The following RGS7BP variants were observed in gnomAD, a reference collection of about 807,000 sequenced individuals.
The protein encoded by RGS7BP is regulator of G protein signaling 7 binding protein.
Under a neutral mutation model 31.3 loss-of-function variants are expected in RGS7BP, and 9 were observed. The ratio of observed to expected loss-of-function variants is 0.29; its 90% CI spans 0.17 to 0.50. RGS7BP has a LOEUF of 0.50. Ranked by LOEUF, RGS7BP falls within the 20% of genes least tolerant of loss-of-function variation. The pLI is 0.98. For missense variants in RGS7BP, 274 were observed against 322.0 expected, an observed-to-expected ratio of 0.85 and a Z score of 1.14; for synonymous variants, 115 against 120.1, an observed-to-expected ratio of 0.96 and a Z score of 0.28.
chr5:64,513,065 G>A (rs1471248866), intron 2 of RGS7BP, among the ~76,000 whole-genome samples: 4 of 152,140 alleles, frequency 2.6e-5, no homozygotes, highest in African/African-American at 9.7e-5. Flanking sequence ...AATTCATAGA[G>A]AATCACATGG....
intron 2 of RGS7BP, among the ~76,000 whole-genome samples, chr5:64,558,618 A>G (rs950919827): frequency 2.0e-5 from 3 of 152,148 alleles, no homozygotes; most frequent in Non-Finnish European, 4.4e-5. Context: ...TTGAAAAAAG[A>G]ACAGAATAAT....
In RGS7BP at chr5:64,607,965, G is replaced by A. The variant is rs183427857; in HGVS notation, c.683-1196G>A. Among the ~76,000 whole-genome samples the A allele has an allele frequency of 1.2e-4, 19 of 152,118 alleles. No homozygotes were observed. The East Asian group carries it at 3.7e-3, about 30-fold the overall frequency. On this transcript the variant is annotated intron_variant, in intron 5 of 5. Coordinates refer to ENST00000334025, the MANE Select transcript of RGS7BP (RefSeq NM_001029875.3). The stretch of plus-strand genomic sequence containing the variant: ...TACGAATCAGTTCGATTGAGGTGGG[G>A]CACATTCTTCACTTTAGCTATCTCT...
chr5:64,609,219 G>C lies in RGS7BP; in HGVS notation c.741G>C (p.Arg247Ser), dbSNP rs561696822. The stretch of plus-strand genomic sequence containing the variant: ...CCCTGGTGAGAAGACGGAAGAGAAG[G>C]TTCTTTGGGCTGTGTTGTCTCATCT... ...PYPLVRRRKRRFFGLCCLISS is the reference protein window; with the variant it reads ...PYPLVRRRKRSFFGLCCLISS The change falls in exon 6 of 6, where the codon AGG becomes AGC. Residue 247 changes from arginine (R) to serine (S), a missense_variant. Physicochemically the swap from Arg to Ser is moderately radical, Grantham distance 110. Coordinates refer to ENST00000334025, the MANE Select transcript of RGS7BP (RefSeq NM_001029875.3). The C allele has an allele frequency of 3.7e-6, 6 of 1,611,066 alleles. No individual in the cohort carries two copies. Among genetic ancestry groups the C allele is most frequent in the Non-Finnish European group, 5.1e-6 (6 of 1,177,612 alleles).
intron 2 of RGS7BP, among the ~76,000 whole-genome samples, chr5:64,549,540 G>T (rs1023345278): frequency 1.3e-5 from 2 of 152,150 alleles, no homozygotes; most frequent in African/African-American, 2.4e-5. Context: ...TCACCTTCAG[G>T]GTCATTTTTT....
chr5:64,585,241 T>A (rs1211059877), intron 3 of RGS7BP, among the ~76,000 whole-genome samples: 2 of 152,158 alleles, frequency 1.3e-5, no homozygotes, highest in African/African-American at 4.8e-5. Context: ...AAGGAAGTGA[T>A]AGGGCACTGA....
intron 2 of RGS7BP, among the ~76,000 whole-genome samples, chr5:64,547,454 A>G (rs1741684889): frequency 6.6e-6 from 1 of 152,224 alleles, no homozygotes; most frequent in African/African-American, 2.4e-5. Context: ...CTGAGATTAT[A>G]AACCACAGCT....
intron 3 of RGS7BP, among the ~76,000 whole-genome samples, chr5:64,587,334 T>C (rs1742785700): frequency 6.6e-6 from 1 of 152,082 alleles, no homozygotes; most frequent in Non-Finnish European, 1.5e-5. Flanking sequence ...TAAAAAGCAA[T>C]TGGGATTAGA....
At chr5:64,520,295 T>C (rs891191996) in intron 2 of RGS7BP, among the ~76,000 whole-genome samples, 3 of 152,116 alleles carry the variant, frequency 2.0e-5, no homozygotes, top group Admixed American at 2.0e-4. Flanking sequence ...CAAACTATTA[T>C]TTCCACTCAG....
Position 64,582,935 on chromosome 5 carries a change from T to C in RGS7BP, c.463+7031T>C, listed in dbSNP as rs375378726. On this transcript the variant is annotated intron_variant, in intron 3 of 5. Transcript: ENST00000334025. ...TTTCCTAATGGAATGAGGCAATTGA[T>C]ACTAAAATAGAACAATGGATTAGAA... Among the ~76,000 whole-genome samples the C allele has an allele frequency of 4.6e-5, 7 of 152,338 alleles. No individual in the cohort carries two copies. The East Asian group carries it at 9.6e-4, about 21-fold the overall frequency.
At chr5:64,586,683 G>T (rs532541099) in intron 3 of RGS7BP, among the ~76,000 whole-genome samples, 1 of 152,284 alleles carries the variant, frequency 6.6e-6, no homozygotes, top group East Asian at 1.9e-4. Context: ...TATGTTCACC[G>T]TTGTATTCCT....
At chr5:64,565,385 T>G (rs1275972111) in intron 2 of RGS7BP, among the ~76,000 whole-genome samples, 1 of 152,164 alleles carries the variant, frequency 6.6e-6, no homozygotes, top group Non-Finnish European at 1.5e-5. Flanking sequence ...ATATACTTAT[T>G]TTTTAATCTG....
In RGS7BP at chr5:64,610,633, A is replaced by C. The variant is rs1480594319; in HGVS notation, c.*1381A>C. 6.6e-6 allele frequency: 1 copy of C among 151,962 alleles called. No homozygotes were observed. Among genetic ancestry groups the C allele is most frequent in the Non-Finnish European group, 1.5e-5 (1 of 67,928 alleles). 9.4% of individuals were successfully genotyped at this position (151,962 alleles called of 1,614,324 possible). A position where few individuals can be genotyped will look rare whatever the true frequency, so the allele number is the denominator to read the frequency against. ...GTTCTTTACCAATACTTATGTGCAC[A>C]GGCATTTATATGTATACCAATATTT... is the stretch of plus-strand genomic sequence containing the variant. On this transcript the variant is annotated 3_prime_UTR_variant, in exon 6 of 6. Transcript: ENST00000334025.
intron 2 of RGS7BP, among the ~76,000 whole-genome samples, chr5:64,514,850 G>A (rs1286944712): frequency 1.3e-5 from 2 of 152,188 alleles, no homozygotes; most frequent in Non-Finnish European, 1.5e-5. Context: ...CCAGATTAAA[G>A]AAGAGTGCTA....
chr5:64,547,667 G>A (rs1440528013), intron 2 of RGS7BP, among the ~76,000 whole-genome samples: 1 of 152,050 alleles, frequency 6.6e-6, no homozygotes, highest in Non-Finnish European at 1.5e-5. Context: ...GTCAGAAATA[G>A]TCTCACCCGT....
chr5:64,558,125 T>C (rs905975972), intron 2 of RGS7BP, among the ~76,000 whole-genome samples: 4 of 152,066 alleles, frequency 2.6e-5, no homozygotes, highest in African/African-American at 9.7e-5. Context: ...GAGCCTCCCA[T>C]GGTCTTCCAT....
intron 3 of RGS7BP, among the ~76,000 whole-genome samples, chr5:64,586,102 G>A (rs1482544230): frequency 6.6e-6 from 1 of 152,166 alleles, no homozygotes; most frequent in Non-Finnish European, 1.5e-5. Flanking sequence ...TCTTTTCCAA[G>A]AAGAAGGCAA....
Position 64,605,650 on chromosome 5 carries a change from T to C in RGS7BP, c.683-3511T>C, listed in dbSNP as rs920355337. Among the ~76,000 whole-genome samples, 3 of 152,038 alleles carry C rather than the reference T, an allele frequency of 2.0e-5. No homozygotes were observed. The South Asian group carries it at 6.2e-4, about 32-fold the overall frequency. ...AATTTCTGCCAATAATTTTTTAGCTTTTCTATTACCTCAGCCTTAGGTGAT... is the reference window on the plus strand; with the variant it reads ...AATTTCTGCCAATAATTTTTTAGCTCTTCTATTACCTCAGCCTTAGGTGAT... On this transcript the variant is annotated intron_variant, in intron 5 of 5. Transcript: ENST00000334025.
At chr5:64,529,083 T>A (rs759822759) in intron 2 of RGS7BP, among the ~76,000 whole-genome samples, 7 of 152,122 alleles carry the variant, frequency 4.6e-5, no homozygotes, top group Non-Finnish European at 1.0e-4. Context: ...GCTTTAACAA[T>A]CTGGGATAGA....
chr5:64,596,929 T>C (rs1743084634), intron 4 of RGS7BP, among the ~76,000 whole-genome samples: 1 of 152,156 alleles, frequency 6.6e-6, no homozygotes, highest in African/African-American at 2.4e-5. Flanking sequence ...TACCTAAAAT[T>C]AAATGGTGAC....
Sources: gnomAD v4.1 joint callset for allele counts (sites outside exome capture counted in the v4.1 genomes callset) on GRCh38, gnomAD v4.1.1 for gene constraint, MANE v1.5 for transcripts, NCBI Gene and HGNC (gene_info 2026-07-23, HGNC 2026-07-21) for gene names.